DCAF6: variants seen among roughly 807,000 people sequenced by gnomAD.
DCAF6 encodes DDB1- and CUL4-associated factor 6.
Under a neutral mutation model 125.1 loss-of-function variants are expected in DCAF6, and 54 were observed. That is an observed-to-expected ratio of 0.43 (90% CI 0.35 to 0.54). The LOEUF is 0.54. DCAF6 is among the 20% of genes least tolerant of loss of function. The probability of loss-of-function intolerance (pLI) is 0.01; values close to 1 mark genes in which losing one functional copy is unlikely to be tolerated. For synonymous variants in DCAF6, 371 were observed against 390.4 expected, an observed-to-expected ratio of 0.95 and a Z score of 0.58; for missense variants, 934 against 1,161.7, an observed-to-expected ratio of 0.80 and a Z score of 2.85.
the DCAF6 span, among the ~76,000 whole-genome samples, chr1:167,894,455 C>A: frequency 1.3e-5 from 2 of 152,016 alleles, no homozygotes; most frequent in Admixed American, 1.3e-4. Context: ...AGTAGTTGAG[C>A]TTCATGATCT....
At chr1:168,037,916 A>G (rs942100071) in intron 12 of DCAF6, among the ~76,000 whole-genome samples, 2 of 152,190 alleles carry the variant, frequency 1.3e-5, no homozygotes, top group African/African-American at 4.8e-5. Flanking sequence ...ATAACATTTC[A>G]TTGCAGCAAA....
At chr1:168,017,714 A>G (rs987590319) in intron 11 of DCAF6, among the ~76,000 whole-genome samples, 2 of 152,134 alleles carry the variant, frequency 1.3e-5, no homozygotes, top group Non-Finnish European at 2.9e-5. Context: ...GCAGTTTTGT[A>G]TATGGACATT....
At chr1:167,929,032 C>CA in the DCAF6 span, among the ~76,000 whole-genome samples, 1 of 152,174 alleles carries the variant, frequency 6.6e-6, no homozygotes, top group Non-Finnish European at 1.5e-5. Flanking sequence ...CCAATGCTGA[C>CA]AATTTAGAAA....
At chr1:167,881,774 A>G in the DCAF6 span, among the ~76,000 whole-genome samples, 3 of 152,254 alleles carry the variant, frequency 2.0e-5, no homozygotes, top group Non-Finnish European at 4.4e-5. Flanking sequence ...TAAGTCTCAC[A>G]GCTGGGAATC....
chr1:167,928,919 G>T, the DCAF6 span, among the ~76,000 whole-genome samples: 1 of 152,172 alleles, frequency 6.6e-6, no homozygotes, highest in Non-Finnish European at 1.5e-5. Context: ...CAAGATGAAA[G>T]AAATTGTCCA....
At chr1:167,896,713 G>A in the DCAF6 span, 8 of 1,498,118 alleles carry the variant, frequency 5.3e-6, no homozygotes, top group South Asian at 3.4e-5. Context: ...CAAATGAGAA[G>A]TTTTCAGTTA....
chr1:167,997,611 C>G (rs1317546684), intron 7 of DCAF6, among the ~76,000 whole-genome samples: 1 of 151,688 alleles, frequency 6.6e-6, no homozygotes, highest in African/African-American at 2.4e-5. Context: ...TTAAGTGTCA[C>G]CAAGTTTTTA....
At chr1:167,910,010 T>G in the DCAF6 span, among the ~76,000 whole-genome samples, 1 of 152,338 alleles carries the variant, frequency 6.6e-6, no homozygotes, top group South Asian at 2.1e-4. Context: ...CAATCTATTA[T>G]GACCCTTTCA....
rs113763879 is a variant in DCAF6, at chr1:168,058,668, A to G, written c.2301-4953A>G. Among the ~76,000 whole-genome samples the G allele has an allele frequency of 8.7e-3, 1,323 of 152,310 alleles. 15 individuals are homozygous for G. Among genetic ancestry groups the G allele is most frequent in the African/African-American group, 0.027 (1,142 of 41,558 alleles). On this transcript the variant is annotated intron_variant, in intron 17 of 21. Transcript: ENST00000367840. ...ACTGGAACCTCTGCCTCCCAGGTTC[A>G]AGTGATTCTCCTGCCTTAGCCTCCC...
At chr1:167,957,938 C>T (rs891305672) in intron 2 of DCAF6, among the ~76,000 whole-genome samples, 2 of 152,016 alleles carry the variant, frequency 1.3e-5, no homozygotes, top group African/African-American at 4.8e-5. Context: ...ATTTACATAC[C>T]TTCTTTGGAG....
the DCAF6 span, chr1:167,904,029 G>A: frequency 2.1e-6 from 3 of 1,453,342 alleles, no homozygotes; most frequent in East Asian, 4.5e-5. Context: ...TGGCTGCTTG[G>A]GGGAATCAAA....
intron 4 of DCAF6, among the ~76,000 whole-genome samples, chr1:167,978,551 GTTGT>G (rs1678594872): frequency 1.3e-5 from 2 of 151,876 alleles, no homozygotes; most frequent in South Asian, 4.2e-4. Flanking sequence ...TTTCTGTTGG[GTTGT>G]TTGTCTTATT....
chr1:167,873,138 T>G, the DCAF6 span, among the ~76,000 whole-genome samples: 1 of 152,150 alleles, frequency 6.6e-6, no homozygotes, highest in African/African-American at 2.4e-5. Context: ...TCTGCAATCT[T>G]GTAGAAAGAA....
In DCAF6 at chr1:167,967,124, G is replaced by A. The variant is rs78668329; in HGVS notation, c.252+403G>A. On this transcript the variant is annotated intron_variant, in intron 3 of 21. Transcript: ENST00000367840. ...TTATTTTAATGTTAAGAATAGTGTG[G>A]GTAAAGCTGCCAACTTTGGTCATTG... Among the ~76,000 whole-genome samples the A allele has an allele frequency of 5.7e-3, 866 of 151,968 alleles. 18 individuals are homozygous for A. Among genetic ancestry groups the A allele is most frequent in the East Asian group, 0.038 (196 of 5,182 alleles).
chr1:167,969,905 T>C (rs1677035180), intron 3 of DCAF6, among the ~76,000 whole-genome samples: 1 of 152,206 alleles, frequency 6.6e-6, no homozygotes, highest in South Asian at 2.1e-4. Context: ...GCCTTCCAAA[T>C]AGCTGAGGCT....
intron 1 of DCAF6, among the ~76,000 whole-genome samples, chr1:167,947,618 A>G (rs904862713): frequency 6.6e-6 from 1 of 151,902 alleles, no homozygotes; most frequent in African/African-American, 2.4e-5. Flanking sequence ...TAATTTCTTC[A>G]TTGACCCTAT....
chr1:168,067,129 T>C (rs1692439824), intron 20 of DCAF6, among the ~76,000 whole-genome samples: 1 of 152,192 alleles, frequency 6.6e-6, no homozygotes, highest in Non-Finnish European at 1.5e-5. Context: ...CTATTTCTTA[T>C]GAAAATGAGA....
chr1:167,987,189 G>A (rs1680128180), intron 4 of DCAF6, among the ~76,000 whole-genome samples: 1 of 152,072 alleles, frequency 6.6e-6, no homozygotes, highest in African/African-American at 2.4e-5. Context: ...GTTTGAACAA[G>A]CTACCTAGGG....
At chr1:168,045,500 A>C (rs1479589283) in intron 16 of DCAF6, among the ~76,000 whole-genome samples, 1 of 152,228 alleles carries the variant, frequency 6.6e-6, no homozygotes, top group Non-Finnish European at 1.5e-5. Flanking sequence ...AGAGAAAAGA[A>C]TGTTAAGAAT....
Sources: gnomAD v4.1 joint callset for allele counts (sites outside exome capture counted in the v4.1 genomes callset) on GRCh38, gnomAD v4.1.1 for gene constraint, MANE v1.5 for transcripts, NCBI Gene and HGNC (gene_info 2026-07-23, HGNC 2026-07-21) for gene names.